ERVK3-1: variants seen among roughly 807,000 people sequenced by gnomAD.
ERVK3-1 encodes the protein HERV-K(HML6-1).
At chr19:58,309,161 T>C (rs560583087) in intron 2 of ERVK3-1, 30 of 152,366 alleles carry the variant, frequency 2.0e-4, no homozygotes, top group African/African-American at 7.2e-4. Context: ...TCCTACGTTA[T>C]GTCAGCATTT....
chr19:58,309,632 C>T (rs2051544350), intron 2 of ERVK3-1: 2 of 152,318 alleles, frequency 1.3e-5, no homozygotes, highest in African/African-American at 4.8e-5. Flanking sequence ...TGGCTACAAC[C>T]ACAAAAGTCT....
intron 2 of ERVK3-1, chr19:58,311,862 A>G: frequency 4.7e-6 from 1 of 214,440 alleles, no homozygotes; most frequent in East Asian, 9.7e-5. Context: ...AATTCCATAC[A>G]ATCCCTGAGG....
At position 58,312,522 on chromosome 19, in the gene ERVK3-1, A is replaced by G; in HGVS notation, c.294+60A>G. 1 of 399,584 alleles carries G rather than the reference A, an allele frequency of 2.5e-6. No homozygotes were observed. Among genetic ancestry groups the G allele is most frequent in the Non-Finnish European group, 4.4e-6 (1 of 226,068 alleles). 24.8% of individuals were successfully genotyped at this position (399,584 alleles called of 1,614,324 possible). On this transcript the variant is annotated intron_variant, in intron 3 of 3. Transcript: ENST00000413518. This position sits in a 1 kb window ranked among gnomAD's most constrained non-coding sequence, Gnocchi z 4.7. ...GGGCATATGTTCCTAACCCACTGGT[A>G]GTACGACTGGTACTCTGGAGCGACA...
At position 58,313,131 on chromosome 19, in the gene ERVK3-1, A is replaced by G. The variant is rs1402308644; in HGVS notation, c.294+669A>G. 6.6e-6 allele frequency: 1 copy of G among 152,244 alleles called. No homozygotes were observed. The highest frequency in any genetic ancestry group is 1.5e-5 in the Non-Finnish European group (1 of 68,064). The allele number at this position is 152,244 out of a possible 1,614,324, so 9.4% of individuals were successfully genotyped here. A position where few individuals can be genotyped will look rare whatever the true frequency, so the allele number is the denominator to read the frequency against. On this transcript the variant is annotated intron_variant, in intron 3 of 3. Transcript: ENST00000413518. The surrounding 1 kb of genome is among the most constrained non-coding windows in gnomAD (Gnocchi z 4.5). The stretch of plus-strand genomic sequence containing the variant: ...GACGTCATCTAGGAAACAGAGGCCC[A>G]ATTCAGGAATCGATATGGAAGGCAA...
intron 2 of ERVK3-1, chr19:58,309,175 A>G (rs2051541895): frequency 6.6e-6 from 1 of 152,234 alleles, no homozygotes; most frequent in South Asian, 2.1e-4. Context: ...AGCATTTTGT[A>G]GGAAAAGCAT....
chr19:58,309,909 A>C (rs1351785951), intron 2 of ERVK3-1: 3 of 152,240 alleles, frequency 2.0e-5, no homozygotes, highest in Non-Finnish European at 4.4e-5. Flanking sequence ...CTGCATGGCA[A>C]ATCACTTTCG....
intron 2 of ERVK3-1, among the ~76,000 whole-genome samples, chr19:58,307,710 G>A (rs776163976): frequency 6.6e-6 from 1 of 150,400 alleles, no homozygotes; most frequent in East Asian, 2.0e-4. Context: ...GCTAATCAGT[G>A]TTGCTCAAAA....
intron 2 of ERVK3-1, chr19:58,309,807 GCA>G (rs1447091949): frequency 2.6e-5 from 4 of 152,124 alleles, no homozygotes; most frequent in African/African-American, 9.7e-5. Context: ...CAATAGGCAG[GCA>G]TAGATCAAAA....
At chr19:58,315,652 C>T (rs1216230509) in exon 4 of ERVK3-1, 1 of 152,104 alleles carries the variant, frequency 6.6e-6, no homozygotes, top group African/African-American at 2.4e-5. Flanking sequence ...TGTGAAAATT[C>T]ATGTACAGGT....
At chr19:58,307,632 C>G (rs1228382003) in intron 2 of ERVK3-1, among the ~76,000 whole-genome samples, 2 of 151,622 alleles carry the variant, frequency 1.3e-5, no homozygotes, top group African/African-American at 2.4e-5. Flanking sequence ...CCCCGCTCCC[C>G]CCAACACACA....
chr19:58,316,653 G>A (rs992878942), downstream of ERVK3-1, among the ~76,000 whole-genome samples: 2 of 152,164 alleles, frequency 1.3e-5, no homozygotes, highest in Non-Finnish European at 2.9e-5. Context: ...CCTGGGCAAC[G>A]AGCGAAACTC....
downstream of ERVK3-1, chr19:58,315,664 T>C (rs2051588308): frequency 1.3e-5 from 2 of 152,152 alleles, no homozygotes; most frequent in African/African-American, 4.8e-5. Context: ...TGTACAGGTG[T>C]TTGTGTGGAT....
downstream of ERVK3-1, among the ~76,000 whole-genome samples, chr19:58,316,402 C>T (rs554365448): frequency 8.1e-4 from 123 of 152,296 alleles, no homozygotes; most frequent in Non-Finnish European, 2.8e-4. Flanking sequence ...GCAGGCTGGG[C>T]GCAGTGGCTC....
At chr19:58,311,873 G>A (rs2051558659) in intron 2 of ERVK3-1, 3 of 228,156 alleles carry the variant, frequency 1.3e-5, no homozygotes, top group Non-Finnish European at 2.5e-5. Context: ...ATCCCTGAGG[G>A]CCAGGCATTA....
intron 3 of ERVK3-1, among the ~76,000 whole-genome samples, chr19:58,314,355 G>A (rs771074303): frequency 6.6e-5 from 10 of 151,282 alleles, no homozygotes; most frequent in South Asian, 2.1e-4. Context: ...GGCCGGGTGC[G>A]GTGGCTCACG....
intron 3 of ERVK3-1, among the ~76,000 whole-genome samples, chr19:58,314,196 A>T (rs931182344): frequency 6.6e-6 from 1 of 152,182 alleles, no homozygotes; most frequent in Admixed American, 6.5e-5. Context: ...GTAAAAGCTC[A>T]TTTGCAGGGA....
At chr19:58,307,138 C>T (rs1237869882) in intron 2 of ERVK3-1, among the ~76,000 whole-genome samples, 1 of 152,222 alleles carries the variant, frequency 6.6e-6, no homozygotes, top group African/African-American at 2.4e-5. Flanking sequence ...TGCTGCTTAC[C>T]ATCAGTGCGC....
At position 58,310,577 on chromosome 19, in the gene ERVK3-1, A is replaced by G. The variant is rs1390946353; in HGVS notation, c.-3-1589A>G. On this transcript the variant is annotated intron_variant, in intron 2 of 3. Coordinates refer to ENST00000413518, the Ensembl canonical transcript of ERVK3-1. The surrounding 1 kb of genome is among the most constrained non-coding windows in gnomAD (Gnocchi z 4.7). ...AGGGAGAGGAGACAGAGAGAAAGAC[A>G]GCTTACGCCATTATTTCTGCATATC... 6.4e-6 allele frequency: 1 copy of G among 155,686 alleles called. No individual in the cohort carries two copies. Among genetic ancestry groups the G allele is most frequent in the Non-Finnish European group, 1.4e-5 (1 of 69,926 alleles). 9.6% of individuals were successfully genotyped at this position (155,686 alleles called of 1,614,324 possible).
Position 58,313,749 on chromosome 19 carries a change from G to A in ERVK3-1, c.295-999G>A, listed in dbSNP as rs1054398670. On this transcript the variant is annotated intron_variant, in intron 3 of 3. Coordinates refer to ENST00000413518, the Ensembl canonical transcript of ERVK3-1. This position sits in a 1 kb window ranked among gnomAD's most constrained non-coding sequence, Gnocchi z 4.5. ...ATATCCACTCTAATAATTCTGGGTC[G>A]TATCCCTGGATTATGGATCCCTGTC... Among the ~76,000 whole-genome samples the A allele has an allele frequency of 8.5e-5, 13 of 152,174 alleles. No individual in the cohort carries two copies. The highest frequency in any genetic ancestry group is 2.1e-4 in the South Asian group (1 of 4,832).
Sources: allele counts gnomAD v4.1 joint callset (sites outside exome capture counted in the v4.1 genomes callset), GRCh38; gene constraint gnomAD v4.1.1; non-coding constraint Gnocchi (gnomAD v3.1); transcripts MANE v1.5; gene names NCBI Gene and HGNC (gene_info 2026-07-23, HGNC 2026-07-21).